ACADL: variants seen among roughly 807,000 people sequenced by gnomAD.
The protein encoded by ACADL is acyl-CoA dehydrogenase long chain.
ACADL carries 60 observed loss-of-function variants against 56.9 expected under a neutral mutation model. The observed-to-expected ratio is 1.05, with a 90% CI of 0.86 to 1.31. The LOEUF (loss-of-function observed/expected upper bound fraction) is 1.31. Among genes scored for constraint, ACADL ranks in the 50% most tolerant of loss-of-function variants. The pLI, the probability that ACADL is intolerant of heterozygous loss-of-function variation, is 0.00. For missense variants in ACADL, 484 were observed against 525.5 expected, an observed-to-expected ratio of 0.92 and a Z score of 0.77; for synonymous variants, 158 against 179.7, an observed-to-expected ratio of 0.88 and a Z score of 0.97.
chr2:210,215,377 C>T lies in ACADL; in HGVS notation c.536+970G>A, dbSNP rs1479616007. On this transcript the variant is annotated intron_variant, in intron 4 of 10. Coordinates refer to ENST00000233710, the MANE Select transcript of ACADL (RefSeq NM_001608.4). ...AACCTCTTCTCCATTCTCAACATCACGGTGGCCTTGACATTACTAACTTCT... is the reference window on the plus strand; with the variant it reads ...AACCTCTTCTCCATTCTCAACATCATGGTGGCCTTGACATTACTAACTTCT... Among the ~76,000 whole-genome samples, 9 of 152,318 alleles carry T rather than the reference C, an allele frequency of 5.9e-5. No individual in the cohort carries two copies. In the East Asian group the frequency reaches 1.2e-3, roughly 20 times the overall value.
chr2:210,215,894 C>T (rs1689078218), intron 4 of ACADL, among the ~76,000 whole-genome samples: 1 of 152,174 alleles, frequency 6.6e-6, no homozygotes. Flanking sequence ...GTTTTGTTCA[C>T]TACTGTATAC....
In ACADL at chr2:210,225,428, G is replaced by C; in HGVS notation, c.-165C>G. On this transcript the variant is annotated 5_prime_UTR_variant, in exon 1 of 11. Coordinates refer to ENST00000233710, the MANE Select transcript of ACADL (RefSeq NM_001608.4). ...CTTCCGGAGCCCCAACCACGCCACA[G>C]GCTGGTCGCGAGGGAATACGCCCGT... 1 of 694,768 alleles carries C rather than the reference G, an allele frequency of 1.4e-6. No individual in the cohort carries two copies. The highest frequency in any genetic ancestry group is 1.9e-5 in the South Asian group (1 of 51,442). The allele number at this position is 694,768 out of a possible 1,614,324, so 43.0% of individuals were successfully genotyped here.
Position 210,205,797 on chromosome 2 carries a change from C to G in ACADL, c.604-1G>C. The G allele has an allele frequency of 6.2e-7, 1 of 1,613,908 alleles. No homozygotes were observed. On this transcript the variant is annotated splice_acceptor_variant, in intron 5 of 10. Coordinates refer to ENST00000233710, the MANE Select transcript of ACADL (RefSeq NM_001608.4). LOFTEE classifies it high-confidence loss of function. ...TTAATGACCCATTACTGATGAACAC[C>G]TGCAAAACCCCAAGTACATTATTAA... is the stretch of plus-strand genomic sequence containing the variant.
rs866673630 is a variant in ACADL, at chr2:210,220,676, G to GA, written c.203dup (p.Gln69ProfsTer19). ...AGTGATGAGGAATCACTTCTTCTTG[G>GA]AAAAACTTCCTTACACTTTTCCGGA... On this transcript the variant is annotated frameshift_variant, in exon 2 of 11. Transcript: ENST00000233710. LOFTEE classifies it high-confidence loss of function. The GA allele has an allele frequency of 2.2e-5, 35 of 1,613,320 alleles. No individual in the cohort carries two copies. Among genetic ancestry groups the GA allele is most frequent in the Non-Finnish European group, 2.8e-5 (33 of 1,179,694 alleles).
chr2:210,225,268 G>C lies in ACADL; in HGVS notation c.-5C>G, dbSNP rs771758459. 1.3e-6 allele frequency: 2 copies of C among 1,554,426 alleles called. No individual in the cohort carries two copies. The highest frequency in any genetic ancestry group is 3.7e-5 in the Admixed American group (2 of 53,478). ...TCGGAGAAGGCGTGCGGCCATGTCC[G>C]AAACACAGGGGCGGCGGGGCGACGG... On this transcript the variant is annotated 5_prime_UTR_variant, in exon 1 of 11. Transcript: ENST00000233710.
chr2:210,205,838 CA>C, intron 5 of ACADL, 42 bp from the exon 6 acceptor site: 1 of 1,606,692 alleles, frequency 6.2e-7, no homozygotes, highest in Non-Finnish European at 8.5e-7. Flanking sequence ...CATGATAATT[CA>C]ATTCTATGTG....
At chr2:210,194,699 T>C (rs1575671151) in intron 9 of ACADL, among the ~76,000 whole-genome samples, 1 of 152,170 alleles carries the variant, frequency 6.6e-6, no homozygotes, top group East Asian at 1.9e-4. Context: ...GCACCTTAAA[T>C]AGAAAAATCC....
chr2:210,203,214 T>G (rs755624531), intron 8 of ACADL, 117 bp downstream of exon 8: 2 of 746,780 alleles, frequency 2.7e-6, no homozygotes, highest in Non-Finnish European at 4.8e-6. Flanking sequence ...TCTCATCCAC[T>G]TCCATGGTTT....
intron 2 of ACADL, 54 bp downstream of exon 2, chr2:210,220,593 T>C: frequency 2.6e-6 from 4 of 1,519,960 alleles, no homozygotes; most frequent in Non-Finnish European, 1.8e-6. Flanking sequence ...TTCTAGGAAA[T>C]GGTCCTATAA....
In ACADL at chr2:210,225,415, C is replaced by T; in HGVS notation, c.-152G>A. 1.3e-6 allele frequency: 1 copy of T among 781,652 alleles called. No homozygotes were observed. The highest frequency in any genetic ancestry group is 2.0e-6 in the Non-Finnish European group (1 of 504,134). The allele number at this position is 781,652 out of a possible 1,614,324, so 48.4% of individuals were successfully genotyped here. On this transcript the variant is annotated 5_prime_UTR_variant, in exon 1 of 11. Coordinates refer to ENST00000233710, the MANE Select transcript of ACADL (RefSeq NM_001608.4). ...GCTCGCGCGCGCCCTTCCGGAGCCCCAACCACGCCACAGGCTGGTCGCGAG... is the reference window on the plus strand; with the variant it reads ...GCTCGCGCGCGCCCTTCCGGAGCCCTAACCACGCCACAGGCTGGTCGCGAG...
chr2:210,207,449 G>A (rs1162443813), intron 5 of ACADL, among the ~76,000 whole-genome samples: 1 of 151,956 alleles, frequency 6.6e-6, no homozygotes, highest in African/African-American at 2.4e-5. Context: ...ATCACGTTGC[G>A]AGGTCTTCCT....
rs761007593 is a variant in ACADL at position 210,189,090 on chromosome 2, T to C, written c.1200-36A>G. The C allele has an allele frequency of 2.1e-6, 3 of 1,458,364 alleles. No homozygotes were observed. In the East Asian group the frequency reaches 6.8e-5, roughly 33 times the overall value. The allele number at this position is 1,458,364 out of a possible 1,614,324, so 90.3% of individuals were successfully genotyped here. A position where few individuals can be genotyped will look rare whatever the true frequency, so the allele number is the denominator to read the frequency against. ...CAGATGATTGAATGAATAAATAAAA[T>C]ATATTAGAAACTGTAAATTTTGTCT... On this transcript the variant is annotated intron_variant, in intron 10 of 10. Transcript: ENST00000233710.
intron 1 of ACADL, chr2:210,224,504 AC>A: frequency 1.0e-6 from 1 of 985,336 alleles, no homozygotes; most frequent in Non-Finnish European, 1.2e-6. Flanking sequence ...TATGCATCAG[AC>A]AGTATCTGAA....
chr2:210,204,733 A>T lies in ACADL; in HGVS notation c.769-51T>A, dbSNP rs1243913957. ...AGAATGGTCTCATTTAAATCTTCCA[A>T]TAACCCAGTGAATATTGAAGTGAAT... On this transcript the variant is annotated intron_variant, in intron 6 of 10. Coordinates refer to ENST00000233710, the MANE Select transcript of ACADL (RefSeq NM_001608.4). 8 of 1,364,096 alleles carry T rather than the reference A, an allele frequency of 5.9e-6. No homozygotes were observed. The South Asian group carries it at 7.0e-5, about 12-fold the overall frequency. 84.5% of individuals were successfully genotyped at this position (1,364,096 alleles called of 1,614,324 possible).
chr2:210,194,474 G>A (rs2125709073), intron 9 of ACADL, among the ~76,000 whole-genome samples: 1 of 152,294 alleles, frequency 6.6e-6, no homozygotes, highest in African/African-American at 2.4e-5. Flanking sequence ...ATCTGATTTA[G>A]ACTGTATATT....
rs552292277 is a variant in ACADL at position 210,197,823 on chromosome 2, AT to A, written c.985-2486del. Among the ~76,000 whole-genome samples, 333 of 152,344 alleles carry A rather than the reference AT, an allele frequency of 2.2e-3. 1 individual carries two copies. Among genetic ancestry groups the A allele is most frequent in the Non-Finnish European group, 3.6e-3 (248 of 68,032 alleles). Reference sequence around the variant, plus strand: ...TAAAACTTCAAACCAGAATGGAATGATTTAGAATTCTTGCATCAGTGCATTC... The same window carrying A: ...TAAAACTTCAAACCAGAATGGAATGATTAGAATTCTTGCATCAGTGCATTC... On this transcript the variant is annotated intron_variant, in intron 8 of 10. Coordinates refer to ENST00000233710, the MANE Select transcript of ACADL (RefSeq NM_001608.4).
At position 210,188,658 on chromosome 2, in the gene ACADL, GAA is replaced by G; in HGVS notation, c.*301_*302del. 3 of 259,362 alleles carry G rather than the reference GAA, an allele frequency of 1.2e-5. No homozygotes were observed. The highest frequency in any genetic ancestry group is 2.2e-5 in the Non-Finnish European group (3 of 133,956). The allele number at this position is 259,362 out of a possible 1,614,324, so 16.1% of individuals were successfully genotyped here. A position where few individuals can be genotyped will look rare whatever the true frequency, so the allele number is the denominator to read the frequency against. ...TATTTCTGCCTTGGTTTGAAGATTT[GAA>G]TGATTTATGCTTTTTAGAATTTTAG... is the stretch of plus-strand genomic sequence containing the variant. On this transcript the variant is annotated 3_prime_UTR_variant, in exon 11 of 11. Transcript: ENST00000233710.
chr2:210,219,451 G>A (rs1689140990), intron 2 of ACADL, among the ~76,000 whole-genome samples: 1 of 152,068 alleles, frequency 6.6e-6, no homozygotes, highest in Non-Finnish European at 1.5e-5. Context: ...GCAACAGAGT[G>A]AGACCATGTC....
Position 210,225,190 on chromosome 2 carries a change from G to C in ACADL, c.74C>G (p.Ala25Gly), listed in dbSNP as rs750296217. ...GHRAPRQLPA[A>G]RCSHSGGEER... ...GGAAGTCCCGGCTGGCACTCACCGC[G>C]CGGCGGGCAGCTGGCGCGGCGCACG... The change falls in exon 1 of 11, where the codon GCG (alanine) becomes GGG (glycine). Residue 25 changes from alanine (A) to glycine (G), a missense_variant. Transcript: ENST00000233710. The C allele has an allele frequency of 6.5e-7, 1 of 1,533,410 alleles. No homozygotes were observed. Among genetic ancestry groups the C allele is most frequent in the Non-Finnish European group, 8.7e-7 (1 of 1,145,418 alleles). 95.0% of individuals were successfully genotyped at this position (1,533,410 alleles called of 1,614,324 possible). A position where few individuals can be genotyped will look rare whatever the true frequency, so the allele number is the denominator to read the frequency against.
Sources: gnomAD v4.1 joint callset for allele counts (sites outside exome capture counted in the v4.1 genomes callset) on GRCh38, gnomAD v4.1.1 for gene constraint, MANE v1.5 for transcripts, NCBI Gene and HGNC (gene_info 2026-07-23, HGNC 2026-07-21) for gene names.